Variants in GPC5 observed in about 807,000 individuals in gnomAD.
GPC5 encodes glypican-5.
Under a neutral mutation model 53.9 loss-of-function variants are expected in GPC5, and 47 were observed. The observed-to-expected ratio is 0.87, with a 90% CI of 0.69 to 1.11. The LOEUF is 1.11. Among genes scored for constraint, GPC5 ranks in the 50% most tolerant of loss-of-function variants. The pLI is 0.00. For synonymous variants in GPC5, 286 were observed against 263.3 expected (o/e 1.09, Z -0.84); for missense variants, 748 against 713.1 (o/e 1.05, Z -0.56).
At chr13:92,428,567 C>T (rs1398925135) in intron 7 of GPC5, among the ~76,000 whole-genome samples, 2 of 152,020 alleles carry the variant, frequency 1.3e-5, no homozygotes, top group African/African-American at 4.8e-5. Flanking sequence ...ATATCTTGCT[C>T]AGAGAAACTG....
chr13:91,409,590 A>G (rs908022782), intron 1 of GPC5, among the ~76,000 whole-genome samples: 3 of 152,260 alleles, frequency 2.0e-5, no homozygotes, highest in Non-Finnish European at 4.4e-5. Flanking sequence ...TGGAAAATAA[A>G]TGGGAAAAGC....
chr13:91,788,211 T>C (rs2037908087), intron 5 of GPC5, among the ~76,000 whole-genome samples: 1 of 152,206 alleles, frequency 6.6e-6, no homozygotes, highest in African/African-American at 2.4e-5. Flanking sequence ...GCCTTCTTCC[T>C]GGTTTGCAGA....
At chr13:92,174,441 A>G (rs1012823971) in intron 7 of GPC5, among the ~76,000 whole-genome samples, 1 of 151,108 alleles carries the variant, frequency 6.6e-6, no homozygotes, top group Non-Finnish European at 1.5e-5. Context: ...AGGCTGAGGC[A>G]GGAGAACCGC....
chr13:91,630,823 G>T (rs1303943295), intron 2 of GPC5, among the ~76,000 whole-genome samples: 3 of 151,836 alleles, frequency 2.0e-5, no homozygotes, highest in South Asian at 2.1e-4. Context: ...GGGTCAAGAA[G>T]GTTTTTCTTT....
At chr13:91,830,569 G>T (rs1162182897) in intron 5 of GPC5, among the ~76,000 whole-genome samples, 3 of 151,638 alleles carry the variant, frequency 2.0e-5, no homozygotes, top group African/African-American at 7.3e-5. Context: ...GTAAAGACAG[G>T]CATAGGAAAT....
At chr13:91,785,738 C>T (rs972088471) in intron 5 of GPC5, among the ~76,000 whole-genome samples, 2 of 152,144 alleles carry the variant, frequency 1.3e-5, no homozygotes, top group Non-Finnish European at 2.9e-5. Context: ...GACTTTTCAC[C>T]TTATCCACAT....
chr13:92,443,532 T>C (rs1027782027), intron 7 of GPC5, among the ~76,000 whole-genome samples: 1 of 140,658 alleles, frequency 7.1e-6, no homozygotes, highest in African/African-American at 2.8e-5. Flanking sequence ...GTTGAAAATA[T>C]ACTTGTGTTA....
chr13:92,107,895 T>G (rs971535915), intron 6 of GPC5, among the ~76,000 whole-genome samples: 3 of 152,234 alleles, frequency 2.0e-5, no homozygotes, highest in Admixed American at 2.0e-4. Context: ...ACAAAATGCC[T>G]GAGCAGATTT....
intron 2 of GPC5, among the ~76,000 whole-genome samples, chr13:91,489,731 A>G (rs1381014319): frequency 6.6e-6 from 1 of 152,178 alleles, no homozygotes; most frequent in Non-Finnish European, 1.5e-5. Context: ...TCCTTTTAAT[A>G]AGACAAATGT....
At chr13:92,361,827 T>C (rs995013796) in intron 7 of GPC5, among the ~76,000 whole-genome samples, 8 of 151,770 alleles carry the variant, frequency 5.3e-5, no homozygotes, top group African/African-American at 1.9e-4. Context: ...GATTAGCTGG[T>C]AAGAAAAGTC....
intron 7 of GPC5, among the ~76,000 whole-genome samples, chr13:92,613,282 T>C (rs1187663473): frequency 8.1e-6 from 1 of 122,822 alleles, no homozygotes; most frequent in African/African-American, 3.1e-5. Context: ...TTATATAATA[T>C]ATATTTTATA....
At position 92,690,361 on chromosome 13, in the gene GPC5, G is replaced by C. The variant is rs1887347200; in HGVS notation, c.1562-175921G>C. ...CCCTTTCCTCCAGTTGATCGCATCA[G>C]CTCCTGAGGCTTCTGCATTCTTCAC... On this transcript the variant is annotated intron_variant, in intron 7 of 7. Transcript: ENST00000377067. 2.2e-5 allele frequency among the ~76,000 whole-genome samples: 2 copies of C among 92,198 alleles called. 1 individual carries two copies. 60.5% of individuals were successfully genotyped at this position (92,198 alleles called of 152,430 possible). A position where few individuals can be genotyped will look rare whatever the true frequency, so the allele number is the denominator to read the frequency against.
chr13:91,744,992 C>T (rs1245503008), intron 4 of GPC5, among the ~76,000 whole-genome samples: 1 of 152,082 alleles, frequency 6.6e-6, no homozygotes, highest in African/African-American at 2.4e-5. Flanking sequence ...CACTGTATCA[C>T]ATCTCTTTTG....
intron 7 of GPC5, among the ~76,000 whole-genome samples, chr13:92,200,742 T>C (rs1416821669): frequency 2.0e-5 from 3 of 152,212 alleles, no homozygotes; most frequent in Non-Finnish European, 4.4e-5. Flanking sequence ...GCTAGACCAA[T>C]TATTGTAGCT....
intron 7 of GPC5, among the ~76,000 whole-genome samples, chr13:92,213,757 C>T (rs2042391378): frequency 6.6e-6 from 1 of 152,084 alleles, no homozygotes; most frequent in Non-Finnish European, 1.5e-5. Flanking sequence ...AGTTTAAGTC[C>T]CTTGAATTCC....
chr13:92,351,322 T>G (rs985920994), intron 7 of GPC5, among the ~76,000 whole-genome samples: 1 of 151,926 alleles, frequency 6.6e-6, no homozygotes, highest in East Asian at 1.9e-4. Flanking sequence ...TAGGTAAAAT[T>G]GATACACTTT....
intron 1 of GPC5, among the ~76,000 whole-genome samples, chr13:91,437,962 C>A (rs1594090297): frequency 6.6e-6 from 1 of 152,220 alleles, no homozygotes. Context: ...ACATCGGCTA[C>A]TGAGGCTTGT....
intron 2 of GPC5, among the ~76,000 whole-genome samples, chr13:91,633,160 C>T (rs554385333): frequency 1.3e-5 from 2 of 152,258 alleles, no homozygotes; most frequent in African/African-American, 4.8e-5. Context: ...TGGGAGAAGA[C>T]AGTGGACATA....
chr13:92,238,393 C>A (rs950058461), intron 7 of GPC5, among the ~76,000 whole-genome samples: 4 of 152,008 alleles, frequency 2.6e-5, no homozygotes, highest in African/African-American at 9.7e-5. Context: ...TGATTATAAC[C>A]ATCCTAGTTT....
Sources: allele counts gnomAD v4.1 joint callset (sites outside exome capture counted in the v4.1 genomes callset), GRCh38; gene constraint gnomAD v4.1.1; transcripts MANE v1.5; gene names NCBI Gene and HGNC (gene_info 2026-07-23, HGNC 2026-07-21).